The following L3MBTL4 variants were observed in gnomAD, a reference collection of about 807,000 sequenced individuals.
L3MBTL4 encodes L3MBTL histone methyl-lysine binding protein 4, also known as lethal(3)malignant brain tumor-like protein 4.
A neutral mutation model predicts 84.5 loss-of-function variants in L3MBTL4; 70 were observed. The ratio of observed to expected loss-of-function variants is 0.83; its 90% CI spans 0.68 to 1.01. L3MBTL4 has a LOEUF of 1.01. Among genes scored for constraint, L3MBTL4 ranks in the 50% least tolerant of loss-of-function variants. L3MBTL4 has a pLI of 0.00. For synonymous variants in L3MBTL4, 274 were observed against 259.8 expected, an observed-to-expected ratio of 1.05 and a Z score of -0.52; for missense variants, 715 against 754.8, an observed-to-expected ratio of 0.95 and a Z score of 0.62.
intron 16 of L3MBTL4, among the ~76,000 whole-genome samples, chr18:6,053,390 T>A (rs1000492149): frequency 5.9e-5 from 9 of 151,960 alleles, no homozygotes; most frequent in African/African-American, 1.9e-4. Context: ...CAAAATGGAG[T>A]CACTTATGTC....
chr18:5,996,473 G>C (rs2053973076), intron 16 of L3MBTL4, among the ~76,000 whole-genome samples: 1 of 152,190 alleles, frequency 6.6e-6, no homozygotes, highest in South Asian at 2.1e-4. Context: ...TTAAAAGGGG[G>C]TCTGGGCTAA....
intron 13 of L3MBTL4, among the ~76,000 whole-genome samples, chr18:6,170,533 TG>T (rs1383244122): frequency 8.5e-5 from 13 of 152,198 alleles, no homozygotes; most frequent in African/African-American, 3.1e-4. Context: ...GATGGAGGTT[TG>T]GTTTGATGCA....
intron 16 of L3MBTL4, among the ~76,000 whole-genome samples, chr18:5,986,914 G>A (rs1191108112): frequency 6.6e-6 from 1 of 152,244 alleles, no homozygotes; most frequent in Admixed American, 6.5e-5. Flanking sequence ...GTATGAGATT[G>A]TGCTATGCAA....
intron 1 of L3MBTL4, among the ~76,000 whole-genome samples, chr18:6,390,963 C>T (rs1023703149): frequency 6.6e-6 from 1 of 152,130 alleles, no homozygotes; most frequent in Non-Finnish European, 1.5e-5. Flanking sequence ...AAAAGGGAAT[C>T]CTCCCTAATT....
intron 12 of L3MBTL4, among the ~76,000 whole-genome samples, chr18:6,176,321 A>G (rs1024743237): frequency 1.3e-5 from 2 of 152,234 alleles, no homozygotes; most frequent in Admixed American, 1.3e-4. Flanking sequence ...ACAAAGGCAC[A>G]GTTATTAGGA....
At chr18:6,295,346 C>CTCTCTATATA (rs1261475809) in intron 4 of L3MBTL4, among the ~76,000 whole-genome samples, 38 of 81,380 alleles carry the variant, frequency 4.7e-4, no homozygotes, top group African/African-American at 2.1e-3. Context: ...CTCTCTCTCT[C>CTCTCTATATA]TATATATATA....
At chr18:6,118,502 T>C (rs1568150524) in intron 14 of L3MBTL4, among the ~76,000 whole-genome samples, 1 of 152,166 alleles carries the variant, frequency 6.6e-6, no homozygotes, top group Admixed American at 6.5e-5. Flanking sequence ...ATCTTATACC[T>C]AGCACAGTGC....
chr18:6,115,358 G>A (rs2059325984), intron 14 of L3MBTL4, among the ~76,000 whole-genome samples: 1 of 152,178 alleles, frequency 6.6e-6, no homozygotes, highest in African/African-American at 2.4e-5. Flanking sequence ...CGATGAAGAG[G>A]CAAATCTGGA....
intron 14 of L3MBTL4, among the ~76,000 whole-genome samples, chr18:6,097,051 T>G (rs375014493): frequency 5.9e-5 from 9 of 152,244 alleles, no homozygotes; most frequent in South Asian, 4.1e-4. Flanking sequence ...CAGCAGCAGC[T>G]ATTAGCTTGA....
At chr18:6,085,183 A>G (rs921076192) in intron 15 of L3MBTL4, among the ~76,000 whole-genome samples, 2 of 152,224 alleles carry the variant, frequency 1.3e-5, no homozygotes, top group East Asian at 1.9e-4. Context: ...CATAATATTC[A>G]TATGAAAATG....
intron 16 of L3MBTL4, among the ~76,000 whole-genome samples, chr18:6,033,577 AATTACG>A (rs1399130385): frequency 1.3e-5 from 2 of 152,338 alleles, no homozygotes; most frequent in Admixed American, 6.5e-5. Flanking sequence ...CATTACTTGT[AATTACG>A]ATTACATTTC....
At chr18:6,269,074 TTAG>T (rs2048756859) in intron 4 of L3MBTL4, among the ~76,000 whole-genome samples, 1 of 152,314 alleles carries the variant, frequency 6.6e-6, no homozygotes, top group African/African-American at 2.4e-5. Context: ...TCCAATTTAA[TTAG>T]TAACTTTTAA....
chr18:6,105,722 C>T (rs568120473), intron 14 of L3MBTL4, among the ~76,000 whole-genome samples: 1 of 150,836 alleles, frequency 6.6e-6, no homozygotes, highest in South Asian at 2.1e-4. Context: ...ATCACTTGAA[C>T]CTGGGAGGTG....
intron 5 of L3MBTL4, chr18:6,260,035 T>C (rs2048327644): frequency 1.3e-5 from 2 of 152,218 alleles, no homozygotes; most frequent in Non-Finnish European, 2.9e-5. Context: ...GCACCATTTA[T>C]TGAATAGGGA....
chr18:6,340,405 G>A (rs549506745), intron 1 of L3MBTL4, among the ~76,000 whole-genome samples: 27 of 152,328 alleles, frequency 1.8e-4, no homozygotes, highest in African/African-American at 5.3e-4. Flanking sequence ...TCAGTGCCAA[G>A]AGAAGCCTCC....
chr18:6,256,696 G>A (rs1194625123), intron 5 of L3MBTL4: 2 of 152,164 alleles, frequency 1.3e-5, no homozygotes, highest in African/African-American at 4.8e-5. Flanking sequence ...TAAAGTTGGT[G>A]AGTCATCAGG....
chr18:6,270,414 G>A (rs539743708), intron 4 of L3MBTL4, among the ~76,000 whole-genome samples: 1 of 152,336 alleles, frequency 6.6e-6, no homozygotes, highest in African/African-American at 2.4e-5. Flanking sequence ...ATTTACTCGA[G>A]TTGGGGAGGC....
intron 16 of L3MBTL4, 31 bp downstream of exon 16, chr18:6,080,849 AT>A (rs2058052386): frequency 6.9e-7 from 1 of 1,447,090 alleles, no homozygotes; most frequent in Non-Finnish European, 9.6e-7. Context: ...CAAAAAGTAT[AT>A]TCTGTGTTTT....
intron 1 of L3MBTL4, among the ~76,000 whole-genome samples, chr18:6,375,772 G>A (rs932880676): frequency 6.6e-6 from 1 of 152,120 alleles, no homozygotes; most frequent in African/African-American, 2.4e-5. Flanking sequence ...AATAGGACCT[G>A]GTGACAGAAC....
Sources: allele counts gnomAD v4.1 joint callset (sites outside exome capture counted in the v4.1 genomes callset), GRCh38; gene constraint gnomAD v4.1.1; transcripts MANE v1.5; gene names NCBI Gene and HGNC (gene_info 2026-07-23, HGNC 2026-07-21).